Variants in DEAF1 observed in about 807,000 individuals in gnomAD.
DEAF1 encodes DEAF1 transcription factor, also known as deformed epidermal autoregulatory factor 1 homolog.
DEAF1 carries 53 observed loss-of-function variants against 58.9 expected under a neutral mutation model. That is an observed-to-expected ratio of 0.90 (90% CI 0.72 to 1.13). The LOEUF (loss-of-function observed/expected upper bound fraction) is 1.13, where lower values mean the gene tolerates loss of function less well. Among genes scored for constraint, DEAF1 ranks in the 50% most tolerant of loss-of-function variants. The pLI, the probability that DEAF1 is intolerant of heterozygous loss-of-function variation, is 0.00. For synonymous variants in DEAF1, 385 were observed against 340.4 expected (o/e 1.13, Z -1.44); for missense variants, 685 against 791.4 (o/e 0.87, Z 1.61).
chr11:674,603 T>A lies in DEAF1; in HGVS notation c.1436A>T (p.His479Leu). 1 of 1,614,190 alleles carries A rather than the reference T, an allele frequency of 6.2e-7. No individual in the cohort carries two copies. The highest frequency in any genetic ancestry group is 8.5e-7 in the Non-Finnish European group (1 of 1,180,038). ...QLKTLFEQAKHASTYREAATN... is the reference protein window; with the variant it reads ...QLKTLFEQAKLASTYREAATN... ...GGCAGCTTCTCGGTAGGTGCTGGCATGCTTGGCTTGCTCAAACAGCGTCTT... is the reference window on the plus strand; with the variant it reads ...GGCAGCTTCTCGGTAGGTGCTGGCAAGCTTGGCTTGCTCAAACAGCGTCTT... The change falls in exon 10 of 12, where the codon CAT becomes CTT. Residue 479 changes from histidine (H) to leucine (L), a missense_variant. This residue lies in a region of DEAF1 where 343 missense variants were observed against 379.8 expected (regional missense o/e 0.90). Coordinates refer to ENST00000382409, the MANE Select transcript of DEAF1 (RefSeq NM_021008.4).
At chr11:672,153 T>C (rs1392224770) in intron 10 of DEAF1, among the ~76,000 whole-genome samples, 1 of 152,216 alleles carries the variant, frequency 6.6e-6, no homozygotes, top group East Asian at 1.9e-4. Context: ...ACCCCTAACA[T>C]AGAATACGGC....
rs1194404937 is a variant in DEAF1 at position 694,976 on chromosome 11, AGCGGCCGCGGCCGCCACC to A, written c.54_71del (p.Val25_Ala30del). ...CCGCGGCCGCGGCCGCCGCCGCCAC[AGCGGCCGCGGCCGCCACC>A]GCCGCCGCCTCAGCCAGGCCCAGCT... On this transcript the variant is annotated inframe_deletion, in exon 1 of 12. Coordinates refer to ENST00000382409, the MANE Select transcript of DEAF1 (RefSeq NM_021008.4). 3.9e-6 allele frequency: 4 copies of A among 1,013,068 alleles called. No individual in the cohort carries two copies. The highest frequency in any genetic ancestry group is 4.8e-6 in the Non-Finnish European group (4 of 831,816). The allele number at this position is 1,013,068 out of a possible 1,614,324, so 62.8% of individuals were successfully genotyped here.
chr11:700,477 A>G (rs1309733337), intron 1 of DEAF1: 50 of 798,886 alleles, frequency 6.3e-5, no homozygotes, highest in Non-Finnish European at 1.0e-4. Context: ...CAGTGAGCCA[A>G]GATTGCGCCA....
At chr11:686,224 G>A (rs1240170961) in intron 5 of DEAF1, among the ~76,000 whole-genome samples, 2 of 150,714 alleles carry the variant, frequency 1.3e-5, no homozygotes, top group Admixed American at 6.6e-5. Context: ...CCTGGGAGGT[G>A]GAGGTTGCTG....
At position 704,735 on chromosome 11, in the gene DEAF1, G is replaced by A. The variant is rs985635873; in HGVS notation, c.-438+1837C>T. On this transcript the variant is annotated intron_variant, in intron 1 of 11. Coordinates refer to the DEAF1 transcript ENST00000683307. ...ACGCCATGGCTCCAGGTGACCCGGA[G>A]TGGATGGGGCCCGAGAGGCCAGCCT... The A allele has an allele frequency of 2.1e-5, 23 of 1,105,990 alleles. No individual in the cohort carries two copies. The African/African-American group carries it at 3.5e-4, about 17-fold the overall frequency. The allele number at this position is 1,105,990 out of a possible 1,614,324, so 68.5% of individuals were successfully genotyped here. A position where few individuals can be genotyped will look rare whatever the true frequency, so the allele number is the denominator to read the frequency against.
At chr11:661,960 G>A (rs1349657673) in intron 10 of DEAF1, among the ~76,000 whole-genome samples, 2 of 152,214 alleles carry the variant, frequency 1.3e-5, no homozygotes, top group Non-Finnish European at 2.9e-5. Context: ...ATGCAGCCCA[G>A]GATGGCTTTG....
At chr11:683,886 G>A (rs912008791) in intron 6 of DEAF1, among the ~76,000 whole-genome samples, 3 of 152,112 alleles carry the variant, frequency 2.0e-5, no homozygotes, top group African/African-American at 7.2e-5. Flanking sequence ...TGGAGCCCCT[G>A]CAAATGATCT....
chr11:703,053 T>C (rs1172699100), intron 1 of DEAF1: 1 of 1,612,798 alleles, frequency 6.2e-7, no homozygotes, highest in South Asian at 1.1e-5. Context: ...CAGGCCCTAG[T>C]GTTGTGGGCG....
At chr11:664,377 A>G (rs1859445583) in intron 10 of DEAF1, among the ~76,000 whole-genome samples, 1 of 152,088 alleles carries the variant, frequency 6.6e-6, no homozygotes. Flanking sequence ...GAAGACAGAA[A>G]CGGTATCACA....
rs1439836446 is a variant in DEAF1 at position 690,266 on chromosome 11, C to CAGGAG, written c.387+1234_387+1235insCTCCT. 1.3e-3 allele frequency among the ~76,000 whole-genome samples: 4 copies of CAGGAG among 3,094 alleles called. 1 individual carries two copies. The highest frequency in any genetic ancestry group is 5.6e-3 in the African/African-American group (3 of 532). 2.0% of individuals were successfully genotyped at this position (3,094 alleles called of 152,430 possible). ...GAGGGGAGAGGAGGGGAGGGGAGGG[C>CAGGAG]AGGGCAGGGGAGGGCAGGGGAGGGC... is the stretch of plus-strand genomic sequence containing the variant. On this transcript the variant is annotated intron_variant, in intron 2 of 11. Transcript: ENST00000382409.
At chr11:680,879 G>A (rs1216339480) in intron 7 of DEAF1, 84 bp downstream of exon 7, 41 of 1,574,624 alleles carry the variant, frequency 2.6e-5, no homozygotes, top group East Asian at 6.7e-5. Flanking sequence ...TGAGAATCCC[G>A]CAGTGGCCGT....
chr11:670,463 C>G (rs1230993976), intron 10 of DEAF1, among the ~76,000 whole-genome samples: 1 of 150,136 alleles, frequency 6.7e-6, no homozygotes, highest in African/African-American at 2.5e-5. Flanking sequence ...ACCTGTAATC[C>G]CAACACTTTG....
chr11:667,592 G>C (rs530757154), intron 10 of DEAF1, among the ~76,000 whole-genome samples: 1 of 148,628 alleles, frequency 6.7e-6, no homozygotes, highest in Non-Finnish European at 1.5e-5. Flanking sequence ...ACCTGAGGTC[G>C]GTCAGGTGTT....
chr11:676,084 TCC>T (rs1170808134), intron 9 of DEAF1, among the ~76,000 whole-genome samples: 1 of 7,082 alleles, frequency 1.4e-4, no homozygotes, highest in Non-Finnish European at 2.3e-4. Context: ...GCACCCGACA[TCC>T]CCCCCAGCAC....
At chr11:676,838 G>C (rs569641039) in intron 9 of DEAF1, among the ~76,000 whole-genome samples, 1 of 152,240 alleles carries the variant, frequency 6.6e-6, no homozygotes, top group Non-Finnish European at 1.5e-5. Context: ...AGTTACAAAG[G>C]AACTAGCACA....
At chr11:691,475 G>A (rs924561482) in intron 2 of DEAF1, 26 bp downstream of exon 2, 4 of 1,607,554 alleles carry the variant, frequency 2.5e-6, no homozygotes, top group Non-Finnish European at 3.4e-6. Flanking sequence ...CACCCGCCCT[G>A]GGCTGTGCCC....
chr11:695,772 C>A (rs1861104961), upstream of DEAF1: 15 of 1,237,612 alleles, frequency 1.2e-5, no homozygotes, highest in Non-Finnish European at 1.5e-5. Flanking sequence ...GGAGCGCGAG[C>A]GCGCGGGCCG....
rs1860623160 is a variant in DEAF1, at chr11:687,008, G to A, written c.665-11C>T. On this transcript the variant is annotated splice_polypyrimidine_tract_variant and intron_variant, in intron 4 of 11. Coordinates refer to ENST00000382409, the MANE Select transcript of DEAF1 (RefSeq NM_021008.4). ...ACCGTCCCCGGCCGCCTGCAAGGAA[G>A]GGCAGCAGTCATGATGATGGCAGGT... is the stretch of plus-strand genomic sequence containing the variant. The A allele has an allele frequency of 6.2e-7, 1 of 1,613,764 alleles. No individual in the cohort carries two copies. The highest frequency in any genetic ancestry group is 1.1e-5 in the South Asian group (1 of 91,068).
chr11:703,075 C>T (rs1215797106), intron 1 of DEAF1: 1 of 1,612,686 alleles, frequency 6.2e-7, no homozygotes, highest in Admixed American at 1.7e-5. Flanking sequence ...ACTGGGCCCT[C>T]AGCGCCACGC....
Sources: gnomAD v4.1 joint callset for allele counts (sites outside exome capture counted in the v4.1 genomes callset) on GRCh38, gnomAD v4.1.1 for gene constraint, gnomAD v4.1.1 regional missense constraint, MANE v1.5 for transcripts, NCBI Gene and HGNC (gene_info 2026-07-23, HGNC 2026-07-21) for gene names.